Variants in KASH5 observed in about 807,000 individuals in gnomAD.
KASH5 encodes the protein protein KASH5.
KASH5 carries 72 observed loss-of-function variants against 84.2 expected under a neutral mutation model. The ratio of observed to expected loss-of-function variants is 0.85; its 90% CI spans 0.71 to 1.04. The LOEUF is 1.04. KASH5 is among the 50% of genes least tolerant of loss of function. KASH5 has a pLI of 0.00. For synonymous variants in KASH5, 260 were observed against 279.1 expected (o/e 0.93, Z 0.68); for missense variants, 650 against 701.0 (o/e 0.93, Z 0.82).
intron 15 of KASH5, among the ~76,000 whole-genome samples, chr19:49,411,906 G>GGGAA: frequency 7.4e-6 from 1 of 135,868 alleles, no homozygotes; most frequent in East Asian, 2.1e-4. Flanking sequence ...GAAGGAGGGA[G>GGGAA]GGAGGGAAGG....
chr19:49,401,811 C>T (rs1974368868), intron 9 of KASH5, among the ~76,000 whole-genome samples: 1 of 152,224 alleles, frequency 6.6e-6, no homozygotes, highest in African/African-American at 2.4e-5. Flanking sequence ...AATCCAAAAT[C>T]TTTCTGCTAT....
intron 9 of KASH5, among the ~76,000 whole-genome samples, chr19:49,402,684 G>A (rs1218624755): frequency 1.3e-5 from 2 of 152,134 alleles, no homozygotes; most frequent in Non-Finnish European, 1.5e-5. Context: ...TCTAGCCTGG[G>A]TGACAGAGCG....
chr19:49,416,589 TAGA>T lies in KASH5; in HGVS notation c.1375-422_1375-420del, dbSNP rs1348572111. On this transcript the variant is annotated intron_variant, in intron 17 of 19. Coordinates refer to ENST00000447857, the MANE Select transcript of KASH5 (RefSeq NM_144688.5). This position sits in a 1 kb window ranked among gnomAD's most constrained non-coding sequence, Gnocchi z 5.4. ...GGCCCAGCACAGGGGTGGGCACCTG[TAGA>T]AGATGTGGTCTCTGCCCTCAGAGAG... Among the ~76,000 whole-genome samples the T allele has an allele frequency of 4.6e-5, 7 of 152,322 alleles. No homozygotes were observed. The highest frequency in any genetic ancestry group is 1.4e-4 in the African/African-American group (6 of 41,582).
At position 49,407,256 on chromosome 19, in the gene KASH5, G is replaced by A; in HGVS notation, c.893G>A (p.Cys298Tyr). 1 of 1,613,906 alleles carries A rather than the reference G, an allele frequency of 6.2e-7. No homozygotes were observed. The change falls in exon 11 of 20, where the codon TGT (cysteine) becomes TAT (tyrosine). Residue 298 changes from cysteine to tyrosine, a missense_variant. Coordinates refer to ENST00000447857, the MANE Select transcript of KASH5 (RefSeq NM_144688.5). ...TCTTGGCAGCGGCAGCTCTTTGAGT[G>A]TGAACACCTCATTTGCCAAAGAGAC... ...KDTLKRQLFE[C>Y]EHLICQRDTI... is the part of the protein sequence containing the mutation.
In KASH5 at chr19:49,414,496, CTGGTATTT is replaced by C. The variant is rs1431931513; in HGVS notation, c.1329-451_1329-444del. 1.3e-5 allele frequency among the ~76,000 whole-genome samples: 2 copies of C among 152,026 alleles called. No individual in the cohort carries two copies. The highest frequency in any genetic ancestry group is 2.9e-5 in the Non-Finnish European group (2 of 68,006). ...TGGGGTCTTACAGAGGCCTGAATCT[CTGGTATTT>C]TGGAGGGTGAGAGAGCCAGAAGCCT... On this transcript the variant is annotated intron_variant, in intron 16 of 19. Coordinates refer to ENST00000447857, the MANE Select transcript of KASH5 (RefSeq NM_144688.5). This position sits in a 1 kb window ranked among gnomAD's most constrained non-coding sequence, Gnocchi z 4.5.
At chr19:49,390,050 G>A (rs551675144) in intron 1 of KASH5, 33 of 152,640 alleles carry the variant, frequency 2.2e-4, no homozygotes, top group African/African-American at 7.7e-4. Flanking sequence ...TCTAGCCTGA[G>A]GGACTGGAAC....
chr19:49,395,329 C>T lies in KASH5; in HGVS notation c.335+37C>T, dbSNP rs773784205. On this transcript the variant is annotated intron_variant, in intron 4 of 19. Transcript: ENST00000447857. The surrounding 1 kb of genome is among the most constrained non-coding windows in gnomAD (Gnocchi z 4.4). The stretch of plus-strand genomic sequence containing the variant: ...CATCTTCATCCTCCTCTGGGAAGTC[C>T]TTCCTAAGATCTAACCTCATACCTG... The T allele has an allele frequency of 1.9e-6, 3 of 1,600,688 alleles. No homozygotes were observed. Among genetic ancestry groups the T allele is most frequent in the Non-Finnish European group, 2.6e-6 (3 of 1,173,708 alleles).
chr19:49,411,981 A>ACC (rs1568623188), intron 15 of KASH5, among the ~76,000 whole-genome samples: 4,807 of 150,428 alleles, frequency 0.032, 238 homozygotes, highest in African/African-American at 0.1. Context: ...GGAAAGAAGG[A>ACC]AGCCAGCCTT....
At chr19:49,405,725 G>A (rs1568618083) in intron 9 of KASH5, among the ~76,000 whole-genome samples, 2 of 151,886 alleles carry the variant, frequency 1.3e-5, no homozygotes, top group Non-Finnish European at 2.9e-5. Context: ...GGGAGGTGGA[G>A]GCAGGTGGAT....
In KASH5 at chr19:49,417,704, C is replaced by T; in HGVS notation, c.*194C>T. ...GACATTTCTTAACAATAGCAAAACTCCCCCAGTAATGGATTAAGCACTAAG... is the reference window on the plus strand; with the variant it reads ...GACATTTCTTAACAATAGCAAAACTTCCCCAGTAATGGATTAAGCACTAAG... On this transcript the variant is annotated 3_prime_UTR_variant, in exon 20 of 20. Transcript: ENST00000447857. This position sits in a 1 kb window ranked among gnomAD's most constrained non-coding sequence, Gnocchi z 5.2. 1.5e-6 allele frequency: 1 copy of T among 674,940 alleles called. No individual in the cohort carries two copies. The allele number at this position is 674,940 out of a possible 1,614,324, so 41.8% of individuals were successfully genotyped here.
intron 16 of KASH5, among the ~76,000 whole-genome samples, chr19:49,413,718 A>C (rs1301281699): frequency 6.6e-6 from 1 of 152,114 alleles, no homozygotes; most frequent in African/African-American, 2.4e-5. Flanking sequence ...GCGAGTTTCC[A>C]GAGGTCAGGG....
chr19:49,389,911 T>G (rs1973947863), intron 1 of KASH5: 1 of 153,196 alleles, frequency 6.5e-6, no homozygotes, highest in Admixed American at 6.5e-5. Flanking sequence ...TGGGGGACCA[T>G]GTACATCCTG....
At chr19:49,396,242 A>ATTTTTT (rs1568611428) in intron 5 of KASH5, among the ~76,000 whole-genome samples, 1 of 122,904 alleles carries the variant, frequency 8.1e-6, no homozygotes, top group African/African-American at 3.2e-5. Flanking sequence ...ACCCTGCTGG[A>ATTTTTT]CTTTTTTTTT....
At chr19:49,409,339 A>G in intron 14 of KASH5, 56 bp downstream of exon 14, 2 of 1,543,226 alleles carry the variant, frequency 1.3e-6, no homozygotes, top group Non-Finnish European at 1.8e-6. Context: ...ATCTCCAAAC[A>G]TCTCCCTACT....
chr19:49,411,922 AGG>A (rs1974724427), intron 15 of KASH5, among the ~76,000 whole-genome samples: 2 of 9,712 alleles, frequency 2.1e-4, no homozygotes, highest in South Asian at 7.7e-3. Context: ...GAAGGAGGGA[AGG>A]AAGGAAGGAA....
intron 3 of KASH5, chr19:49,394,873 C>T: frequency 1.7e-6 from 1 of 590,956 alleles, no homozygotes; most frequent in Admixed American, 3.0e-5. Flanking sequence ...TGATGCTGTC[C>T]CTATGTCCAT....
At chr19:49,413,287 G>T (rs79059686) in intron 16 of KASH5, among the ~76,000 whole-genome samples, 2 of 152,156 alleles carry the variant, frequency 1.3e-5, no homozygotes, top group Admixed American at 6.5e-5. Flanking sequence ...GGTGAGGGGG[G>T]GCCTCTGGAA....
chr19:49,400,353 C>CT lies in KASH5; in HGVS notation c.798+860dup, dbSNP rs36066335. Among the ~76,000 whole-genome samples the CT allele has an allele frequency of 5.5e-3, 681 of 124,074 alleles. 5 individuals carry two copies. The highest frequency in any genetic ancestry group is 0.033 in the Middle Eastern group (8 of 240). 81.4% of individuals were successfully genotyped at this position (124,074 alleles called of 152,430 possible). A position where few individuals can be genotyped will look rare whatever the true frequency, so the allele number is the denominator to read the frequency against. On this transcript the variant is annotated intron_variant, in intron 9 of 19. Transcript: ENST00000447857. ...CTTCTCAAGCCTTTACTTTTAGTTTCTTTTTTTTTTTTTTCTTTTTTTTTT... is the reference window on the plus strand; with the variant it reads ...CTTCTCAAGCCTTTACTTTTAGTTTCTTTTTTTTTTTTTTTCTTTTTTTTTT...
At chr19:49,407,356 C>G in intron 11 of KASH5, 60 bp downstream of exon 11, 1 of 1,565,948 alleles carries the variant, frequency 6.4e-7, no homozygotes, top group Non-Finnish European at 8.8e-7. Context: ...ACTTCCTGCC[C>G]CTGGTCTAGA....
Sources: gnomAD v4.1 joint callset for allele counts (sites outside exome capture counted in the v4.1 genomes callset) on GRCh38, gnomAD v4.1.1 for gene constraint, Gnocchi (gnomAD v3.1) non-coding constraint, MANE v1.5 for transcripts, NCBI Gene and HGNC (gene_info 2026-07-23, HGNC 2026-07-21) for gene names.